Variants in CDKAL1 observed in about 807,000 individuals in gnomAD.
CDKAL1 encodes threonylcarbamoyladenosine tRNA methylthiotransferase.
CDKAL1 carries 32 observed loss-of-function variants against 68.2 expected under a neutral mutation model. The observed-to-expected ratio is 0.47, with a 90% CI of 0.35 to 0.63. The LOEUF is 0.63. CDKAL1 is among the 30% of genes least tolerant of loss of function. The pLI, the probability that CDKAL1 is intolerant of heterozygous loss-of-function variation, is 0.00. For synonymous variants in CDKAL1, 234 were observed against 244.3 expected, an observed-to-expected ratio of 0.96 and a Z score of 0.39; for missense variants, 606 against 696.7, an observed-to-expected ratio of 0.87 and a Z score of 1.47.
intron 13 of CDKAL1, among the ~76,000 whole-genome samples, chr6:21,126,155 C>T (rs1053356871): frequency 6.6e-6 from 1 of 152,210 alleles, no homozygotes; most frequent in African/African-American, 2.4e-5. Context: ...AGTGTTTCCA[C>T]AGTATTTCCA....
chr6:20,549,952 G>A (rs915468552), intron 4 of CDKAL1, among the ~76,000 whole-genome samples: 1 of 151,270 alleles, frequency 6.6e-6, no homozygotes, highest in South Asian at 2.1e-4. Context: ...AGGAAGAGCT[G>A]TCCATTCTTC....
At chr6:21,176,063 C>G (rs568166510) in intron 13 of CDKAL1, among the ~76,000 whole-genome samples, 1 of 152,308 alleles carries the variant, frequency 6.6e-6, no homozygotes, top group Non-Finnish European at 1.5e-5. Flanking sequence ...GAAGAGATCT[C>G]TACTGCATGG....
intron 5 of CDKAL1, among the ~76,000 whole-genome samples, chr6:20,732,389 C>T (rs1772992390): frequency 6.6e-6 from 1 of 150,912 alleles, no homozygotes; most frequent in Non-Finnish European, 1.5e-5. Context: ...GATTCTCCTG[C>T]CTCAGCCTTC....
intron 13 of CDKAL1, among the ~76,000 whole-genome samples, chr6:21,153,220 A>G (rs1776494541): frequency 7.1e-6 from 1 of 141,410 alleles, no homozygotes; most frequent in South Asian, 2.5e-4. Flanking sequence ...TTGGCAGGGT[A>G]GAGGTATGTG....
chr6:20,635,010 A>C (rs1375868549), intron 4 of CDKAL1, among the ~76,000 whole-genome samples: 2 of 151,826 alleles, frequency 1.3e-5, no homozygotes, highest in East Asian at 3.9e-4. Context: ...AAGAAAGAAA[A>C]AAAGGATGAT....
chr6:21,222,052 C>T (rs764186492), intron 15 of CDKAL1, among the ~76,000 whole-genome samples: 1 of 152,194 alleles, frequency 6.6e-6, no homozygotes, highest in Non-Finnish European at 1.5e-5. Flanking sequence ...CAGAATTACT[C>T]AGAATATAAT....
intron 11 of CDKAL1, among the ~76,000 whole-genome samples, chr6:21,037,989 A>C (rs1439590182): frequency 6.6e-6 from 1 of 152,200 alleles, no homozygotes; most frequent in Non-Finnish European, 1.5e-5. Flanking sequence ...ACTTTGTGTC[A>C]GGCACCTGAG....
chr6:20,626,263 A>T (rs1442164786), intron 4 of CDKAL1, among the ~76,000 whole-genome samples: 1 of 152,078 alleles, frequency 6.6e-6, no homozygotes, highest in Non-Finnish European at 1.5e-5. Context: ...ATCATCCCTC[A>T]TCTGTCTCAT....
At chr6:20,731,370 GTGA>G (rs1295322005) in intron 5 of CDKAL1, among the ~76,000 whole-genome samples, 1 of 152,194 alleles carries the variant, frequency 6.6e-6, no homozygotes, top group African/African-American at 2.4e-5. Flanking sequence ...TGTGGGGATG[GTGA>G]TAAGTGGCTT....
intron 10 of CDKAL1, among the ~76,000 whole-genome samples, chr6:20,961,655 T>C (rs933921068): frequency 7.2e-5 from 11 of 151,740 alleles, no homozygotes; most frequent in Admixed American, 7.2e-4. Context: ...TAGTCTCAGC[T>C]ACTCTGGAGG....
chr6:21,172,353 T>C (rs1056803575), intron 13 of CDKAL1, among the ~76,000 whole-genome samples: 1 of 152,190 alleles, frequency 6.6e-6, no homozygotes, highest in Non-Finnish European at 1.5e-5. Flanking sequence ...TTTCCAGTCA[T>C]AGTCATGCTG....
chr6:20,736,358 T>G (rs78744425), intron 5 of CDKAL1, among the ~76,000 whole-genome samples: 1,898 of 152,330 alleles, frequency 0.012, 32 homozygotes, highest in South Asian at 0.048. Flanking sequence ...ATAGAAAAGT[T>G]TGCTGACCCC....
intron 5 of CDKAL1, among the ~76,000 whole-genome samples, chr6:20,666,688 C>CTTTTTT (rs35042364): frequency 7.4e-6 from 1 of 135,834 alleles, no homozygotes; most frequent in African/African-American, 2.8e-5. Context: ...CCAAAGAATC[C>CTTTTTT]TTTTTTTTTT....
intron 13 of CDKAL1, among the ~76,000 whole-genome samples, chr6:21,164,018 C>T (rs9356770): frequency 0.08 from 12,101 of 151,856 alleles, 714 homozygotes; most frequent in East Asian, 0.25. Context: ...GCTCCCTGTC[C>T]CTAGCATTGC....
intron 4 of CDKAL1, among the ~76,000 whole-genome samples, chr6:20,580,725 T>A (rs942520616): frequency 6.6e-6 from 1 of 152,204 alleles, no homozygotes; most frequent in African/African-American, 2.4e-5. Context: ...TTTCTCCTTT[T>A]TATCACCATG....
At chr6:20,628,660 A>AG (rs1458416321) in intron 4 of CDKAL1, among the ~76,000 whole-genome samples, 7 of 39,730 alleles carry the variant, frequency 1.8e-4, no homozygotes, top group East Asian at 6.1e-4. Context: ...TTTTACTTTC[A>AG]GGGAAAAAAA....
At chr6:20,734,741 C>T (rs888588343) in intron 5 of CDKAL1, among the ~76,000 whole-genome samples, 1 of 152,070 alleles carries the variant, frequency 6.6e-6, no homozygotes, top group Non-Finnish European at 1.5e-5. Context: ...TAATTTTTTC[C>T]CCAAAGCCAA....
intron 4 of CDKAL1, among the ~76,000 whole-genome samples, chr6:20,636,230 G>A (rs1214338698): frequency 6.6e-6 from 1 of 152,096 alleles, no homozygotes; most frequent in Non-Finnish European, 1.5e-5. Flanking sequence ...TACTCACTAT[G>A]TCGAGGTGGT....
At chr6:20,908,581 A>C (rs1477000815) in intron 9 of CDKAL1, among the ~76,000 whole-genome samples, 1 of 152,208 alleles carries the variant, frequency 6.6e-6, no homozygotes, top group Non-Finnish European at 1.5e-5. Context: ...TTATCTTTAG[A>C]TTATTTATAA....
Sources: gnomAD v4.1 joint callset for allele counts (sites outside exome capture counted in the v4.1 genomes callset) on GRCh38, gnomAD v4.1.1 for gene constraint, MANE v1.5 for transcripts, NCBI Gene and HGNC (gene_info 2026-07-23, HGNC 2026-07-21) for gene names.